IFT25: variants seen among roughly 807,000 people sequenced by gnomAD.
IFT25 encodes intraflagellar transport protein 25 homolog.
At chr1:53,941,539 G>A in the IFT25 span, among the ~76,000 whole-genome samples, 2 of 152,048 alleles carry the variant, frequency 1.3e-5, no homozygotes, top group Non-Finnish European at 2.9e-5. Flanking sequence ...TTAATTTTTT[G>A]TGCCTTTTTT....
At chr1:53,911,946 C>T in the IFT25 span, among the ~76,000 whole-genome samples, 13 of 152,098 alleles carry the variant, frequency 8.5e-5, no homozygotes, top group Admixed American at 1.3e-4. Context: ...ACTGCTTCCT[C>T]GGGCCCTTTT....
chr1:53,913,535 A>T, the IFT25 span, among the ~76,000 whole-genome samples: 10 of 152,120 alleles, frequency 6.6e-5, no homozygotes, highest in Non-Finnish European at 1.3e-4. Flanking sequence ...TTTCATTGAC[A>T]TTCGCTGTCT....
the IFT25 span, among the ~76,000 whole-genome samples, chr1:53,943,482 G>GGA: frequency 0.24 from 35,879 of 151,950 alleles, 6,734 homozygotes; most frequent in African/African-American, 0.53. Flanking sequence ...AACTTGGGAG[G>GGA]GAACGCTGCT....
the IFT25 span, among the ~76,000 whole-genome samples, chr1:53,935,630 C>CT: frequency 0.031 from 4,394 of 143,118 alleles, 204 homozygotes; most frequent in African/African-American, 0.1. Context: ...GCCAGAACTA[C>CT]TTTTTTTTTT....
At chr1:53,935,359 A>G in the IFT25 span, among the ~76,000 whole-genome samples, 1 of 152,246 alleles carries the variant, frequency 6.6e-6, no homozygotes, top group Admixed American at 6.5e-5. Context: ...CTCAATAGAT[A>G]AAATCTACAG....
the IFT25 span, among the ~76,000 whole-genome samples, chr1:53,915,036 A>G: frequency 1.3e-5 from 2 of 152,354 alleles, no homozygotes; most frequent in African/African-American, 4.8e-5. Context: ...GCATTGGTCC[A>G]CAGTAAGTGA....
chr1:53,937,479 G>C, the IFT25 span, among the ~76,000 whole-genome samples: 1 of 152,104 alleles, frequency 6.6e-6, no homozygotes, highest in Non-Finnish European at 1.5e-5. Flanking sequence ...ACTGCATATG[G>C]ATTAAAAGTC....
the IFT25 span, among the ~76,000 whole-genome samples, chr1:53,919,796 C>T: frequency 2.1e-5 from 3 of 145,586 alleles, no homozygotes; most frequent in African/African-American, 5.1e-5. Context: ...AACTTTTTTC[C>T]TTTTTTTTTT....
At chr1:53,934,801 C>T in the IFT25 span, among the ~76,000 whole-genome samples, 1 of 152,118 alleles carries the variant, frequency 6.6e-6, no homozygotes, top group Non-Finnish European at 1.5e-5. Flanking sequence ...GAGTTCAAGA[C>T]CAGCACAGCC....
chr1:53,915,193 A>G, the IFT25 span, among the ~76,000 whole-genome samples: 23 of 152,224 alleles, frequency 1.5e-4, no homozygotes, highest in African/African-American at 5.3e-4. Flanking sequence ...GCCAGGCACT[A>G]TTCTAAGCCC....
At chr1:53,918,764 T>C in the IFT25 span, among the ~76,000 whole-genome samples, 2 of 152,200 alleles carry the variant, frequency 1.3e-5, no homozygotes, top group Admixed American at 1.3e-4. Flanking sequence ...GTGCTTCACA[T>C]AAAATCACAT....
At chr1:53,920,750 T>C in the IFT25 span, among the ~76,000 whole-genome samples, 1 of 152,218 alleles carries the variant, frequency 6.6e-6, no homozygotes, top group Admixed American at 6.5e-5. Flanking sequence ...GCAGATTGCT[T>C]GAGCCCAGGA....
chr1:53,942,939 C>T, the IFT25 span, among the ~76,000 whole-genome samples: 4 of 151,936 alleles, frequency 2.6e-5, no homozygotes, highest in Admixed American at 2.0e-4. Flanking sequence ...CATTGTCAGG[C>T]GTGATATTGT....
the IFT25 span, among the ~76,000 whole-genome samples, chr1:53,926,919 C>A: frequency 1.3e-5 from 2 of 151,914 alleles, no homozygotes; most frequent in Non-Finnish European, 2.9e-5. Flanking sequence ...GAGACAACAT[C>A]TTGCCATGTT....
At chr1:53,926,712 C>T in the IFT25 span, among the ~76,000 whole-genome samples, 15 of 151,888 alleles carry the variant, frequency 9.9e-5, no homozygotes, top group Non-Finnish European at 2.9e-5. Context: ...TACAATGTCC[C>T]ACATTCTAGA....
At chr1:53,940,142 A>C in the IFT25 span, 1 of 978,456 alleles carries the variant, frequency 1.0e-6, no homozygotes, top group Non-Finnish European at 1.6e-6. Flanking sequence ...TTGATTCTCT[A>C]AACTTTATCT....
chr1:53,917,441 T>C, the IFT25 span, among the ~76,000 whole-genome samples: 8 of 152,228 alleles, frequency 5.3e-5, no homozygotes, highest in Admixed American at 5.2e-4. Flanking sequence ...TTTAAGCTCA[T>C]GCATTTTATT....
the IFT25 span, among the ~76,000 whole-genome samples, chr1:53,926,722 A>AT: frequency 9.2e-3 from 1,313 of 143,290 alleles, 12 homozygotes; most frequent in African/African-American, 0.03. Flanking sequence ...CACATTCTAG[A>AT]TTTTTTTTTT....
At chr1:53,941,467 A>T in the IFT25 span, among the ~76,000 whole-genome samples, 1 of 152,354 alleles carries the variant, frequency 6.6e-6, no homozygotes, top group East Asian at 1.9e-4. Flanking sequence ...ATTATATTTT[A>T]AAAACTAGTA....
Sources: gnomAD v4.1 joint callset for allele counts (sites outside exome capture counted in the v4.1 genomes callset) on GRCh38, gnomAD v4.1.1 for gene constraint, MANE v1.5 for transcripts, NCBI Gene and HGNC (gene_info 2026-07-23, HGNC 2026-07-21) for gene names.